Variants in GSAP observed in about 807,000 individuals in gnomAD.
The protein encoded by GSAP is gamma-secretase activating protein.
A neutral mutation model predicts 131.7 loss-of-function variants in GSAP; 118 were observed. The ratio of observed to expected loss-of-function variants is 0.90; its 90% CI spans 0.77 to 1.04. GSAP has a LOEUF of 1.04. Ranked by LOEUF, GSAP falls within the 50% of genes least tolerant of loss-of-function variation. GSAP has a pLI of 0.00. For missense variants in GSAP, 1,019 were observed against 1,013.2 expected (o/e 1.01, Z -0.08); for synonymous variants, 381 against 363.4 (o/e 1.05, Z -0.55).
chr7:77,366,696 T>TGTA (rs1284863113), intron 12 of GSAP, among the ~76,000 whole-genome samples: 1 of 152,152 alleles, frequency 6.6e-6, no homozygotes, highest in Non-Finnish European at 1.5e-5. Context: ...TTTGCTTAGG[T>TGTA]GTACCTTGGC....
chr7:77,389,164 T>C (rs1165891706), intron 5 of GSAP, among the ~76,000 whole-genome samples: 2 of 152,104 alleles, frequency 1.3e-5, no homozygotes, highest in Non-Finnish European at 2.9e-5. Context: ...ATCTTAAATG[T>C]GTATGACTAA....
chr7:77,368,143 C>T (rs1248834473), intron 12 of GSAP, among the ~76,000 whole-genome samples: 1 of 152,108 alleles, frequency 6.6e-6, no homozygotes, highest in Admixed American at 6.5e-5. Flanking sequence ...TCACCACTTC[C>T]CTGGGTGGTG....
In GSAP at chr7:77,388,332, A is replaced by T. The variant is rs368675288; in HGVS notation, c.368-884T>A. On this transcript the variant is annotated intron_variant, in intron 5 of 30. Coordinates refer to ENST00000257626, the MANE Select transcript of GSAP (RefSeq NM_017439.4). ...CAAATATTGTTTGTGTAGGAAAATAAAAAGATTTCTGATACATGAACATGT... is the reference window on the plus strand; with the variant it reads ...CAAATATTGTTTGTGTAGGAAAATATAAAGATTTCTGATACATGAACATGT... Among the ~76,000 whole-genome samples, 19 of 152,362 alleles carry T rather than the reference A, an allele frequency of 1.2e-4. No homozygotes were observed. In the South Asian group the frequency reaches 3.7e-3, roughly 30 times the overall value.
At chr7:77,414,032 CT>C (rs1245992170) in intron 1 of GSAP, among the ~76,000 whole-genome samples, 1 of 152,206 alleles carries the variant, frequency 6.6e-6, no homozygotes, top group Non-Finnish European at 1.5e-5. Context: ...TCCTTGACCC[CT>C]TATTGACCAA....
intron 14 of GSAP, among the ~76,000 whole-genome samples, chr7:77,359,833 G>C (rs1794282375): frequency 6.6e-6 from 1 of 152,184 alleles, no homozygotes; most frequent in Admixed American, 6.5e-5. Flanking sequence ...CTCTTGAGAT[G>C]GGATGCTGAT....
intron 5 of GSAP, among the ~76,000 whole-genome samples, chr7:77,389,260 A>T (rs78347444): frequency 0.073 from 10,967 of 150,490 alleles, 408 homozygotes; most frequent in Middle Eastern, 0.099. Flanking sequence ...ATATATATAT[A>T]TTTTTTTGAC....
At chr7:77,335,519 C>T (rs1165326671) in intron 19 of GSAP, among the ~76,000 whole-genome samples, 1 of 152,106 alleles carries the variant, frequency 6.6e-6, no homozygotes, top group Non-Finnish European at 1.5e-5. Flanking sequence ...TTAGGATGAC[C>T]TGAAATAATT....
intron 19 of GSAP, among the ~76,000 whole-genome samples, chr7:77,339,945 C>G (rs117111768): frequency 7.9e-4 from 120 of 152,312 alleles, no homozygotes; most frequent in Non-Finnish European, 1.3e-3. Context: ...CTTGTCAGGC[C>G]TCTGAGCCCA....
At chr7:77,389,543 T>C (rs1385465617) in intron 5 of GSAP, among the ~76,000 whole-genome samples, 2 of 152,026 alleles carry the variant, frequency 1.3e-5, no homozygotes, top group Non-Finnish European at 2.9e-5. Flanking sequence ...GTTTGGTTTT[T>C]TGTCCTTGGG....
intron 1 of GSAP, among the ~76,000 whole-genome samples, chr7:77,406,983 C>T (rs542944192): frequency 1.3e-5 from 2 of 152,126 alleles, no homozygotes; most frequent in African/African-American, 4.8e-5. Flanking sequence ...ATGAAGAACC[C>T]GGGCTAGGGA....
At chr7:77,398,452 TAAG>T (rs1583861988) in intron 3 of GSAP, among the ~76,000 whole-genome samples, 1 of 152,212 alleles carries the variant, frequency 6.6e-6, no homozygotes, top group Non-Finnish European at 1.5e-5. Flanking sequence ...AAATTATTAC[TAAG>T]AAGAATGGGT....
At chr7:77,377,021 G>A (rs1350784067) in intron 9 of GSAP, 114 bp from the exon 10 acceptor site, 3 of 679,698 alleles carry the variant, frequency 4.4e-6, no homozygotes, top group South Asian at 3.9e-5. Context: ...TTAGTGAACT[G>A]CAGTAATAAT....
chr7:77,412,292 T>C (rs866409480), intron 1 of GSAP, among the ~76,000 whole-genome samples: 17 of 152,292 alleles, frequency 1.1e-4, no homozygotes, highest in Middle Eastern at 3.4e-3. Context: ...GACTGTTTGA[T>C]TGATAATATT....
Position 77,356,289 on chromosome 7 carries a change from T to C in GSAP, c.1028-642A>G, listed in dbSNP as rs187894125. Among the ~76,000 whole-genome samples, 7 of 152,356 alleles carry C rather than the reference T, an allele frequency of 4.6e-5. No individual in the cohort carries two copies. In the East Asian group the frequency reaches 1.3e-3, roughly 29 times the overall value. On this transcript the variant is annotated intron_variant, in intron 14 of 30. Coordinates refer to ENST00000257626, the MANE Select transcript of GSAP (RefSeq NM_017439.4). ...GTTTTGTTTCTAAGTGATTTGTGGC[T>C]TTATGTGAATCTAAATGATCTCAGA...
rs6957687 is a variant in GSAP, at chr7:77,374,992, G to A, written c.785+66C>T. On this transcript the variant is annotated intron_variant, in intron 11 of 30. Coordinates refer to ENST00000257626, the MANE Select transcript of GSAP (RefSeq NM_017439.4). ...TTTTTATCTGCATAATATAATGTAC[G>A]AATAAATATAATCATTTTGCCCACA... 6.4e-3 allele frequency: 4,883 copies of A among 767,800 alleles called. 188 individuals are homozygous for A. The African/African-American group carries it at 0.078, about 12-fold the overall frequency. 47.6% of individuals were successfully genotyped at this position (767,800 alleles called of 1,614,324 possible).
At chr7:77,361,832 T>C (rs1181900) in intron 13 of GSAP, among the ~76,000 whole-genome samples, 135,298 of 152,186 alleles carry the variant, frequency 0.89, 60,470 homozygotes, top group African/African-American at 0.96. Context: ...TCTCCCTAGA[T>C]TGTTTATCAA....
At chr7:77,401,549 C>A (rs974069210) in intron 3 of GSAP, among the ~76,000 whole-genome samples, 1 of 151,832 alleles carries the variant, frequency 6.6e-6, no homozygotes, top group Non-Finnish European at 1.5e-5. Context: ...ATGAAGAAAA[C>A]TATGAAAATT....
intron 12 of GSAP, among the ~76,000 whole-genome samples, chr7:77,368,619 C>T (rs1329798389): frequency 6.6e-6 from 1 of 152,184 alleles, no homozygotes; most frequent in African/African-American, 2.4e-5. Flanking sequence ...GATTGAGAAC[C>T]ACTTTTGAAA....
At position 77,362,650 on chromosome 7, in the gene GSAP, A is replaced by C; in HGVS notation, c.882T>G (p.Cys294Trp). Residue 294 changes from cysteine (C) to tryptophan (W), a missense_variant, in exon 13 of 31, where the codon TGT (cysteine) becomes TGG (tryptophan). Cys to Trp is a radical substitution (Grantham distance 215, BLOSUM62 -2). Transcript: ENST00000257626. The stretch of plus-strand genomic sequence containing the variant: ...AGGCACACTTCGGGCTGTAACATAC[A>C]CACAAACTTCCTAGAAGAAAAAGGA... ...CVFTNHTGSL[C>W]VCYSPKCASW... is the part of the protein sequence containing the mutation. 2 of 1,561,772 alleles carry C rather than the reference A, an allele frequency of 1.3e-6. No homozygotes were observed. The highest frequency in any genetic ancestry group is 1.8e-6 in the Non-Finnish European group (2 of 1,133,144).
Sources: gnomAD v4.1 joint callset for allele counts (sites outside exome capture counted in the v4.1 genomes callset) on GRCh38, gnomAD v4.1.1 for gene constraint, MANE v1.5 for transcripts, NCBI Gene and HGNC (gene_info 2026-07-23, HGNC 2026-07-21) for gene names.